Variants in XNDC1N observed in about 807,000 individuals in gnomAD.
The protein encoded by XNDC1N is XRCC1 N-terminal domain containing 1, N-terminal like.
At chr11:71,911,231 T>C in the XNDC1N span, among the ~76,000 whole-genome samples, 1 of 152,216 alleles carries the variant, frequency 6.6e-6, no homozygotes, top group South Asian at 2.1e-4. Context: ...AAGGACATCA[T>C]TGGCTAACGA....
chr11:71,907,296 A>G, the XNDC1N span, among the ~76,000 whole-genome samples: 12 of 151,950 alleles, frequency 7.9e-5, no homozygotes, highest in Non-Finnish European at 1.6e-4. Flanking sequence ...AAACGGAGTA[A>G]TATCACCCCC....
the XNDC1N span, among the ~76,000 whole-genome samples, chr11:71,901,244 G>A: frequency 6.6e-6 from 1 of 152,142 alleles, no homozygotes; most frequent in Non-Finnish European, 1.5e-5. Context: ...TGAGGAAGCT[G>A]GAAAGCGTTT....
the XNDC1N span, chr11:71,923,491 G>A: frequency 4.8e-6 from 3 of 627,126 alleles, no homozygotes; most frequent in East Asian, 5.6e-5. Flanking sequence ...AAAGAGAACA[G>A]AAGAAAAACA....
chr11:71,890,262 C>T, the XNDC1N span, among the ~76,000 whole-genome samples: 1 of 152,172 alleles, frequency 6.6e-6, no homozygotes, highest in Admixed American at 6.5e-5. Context: ...GGAGTAATAT[C>T]ATCCTCTCCC....
chr11:71,924,949 A>T, the XNDC1N span, among the ~76,000 whole-genome samples: 1 of 151,430 alleles, frequency 6.6e-6, no homozygotes, highest in African/African-American at 2.4e-5. Flanking sequence ...TGAGTCCGTG[A>T]CTCTTGATAT....
chr11:71,898,045 G>T, the XNDC1N span, among the ~76,000 whole-genome samples: 1 of 152,152 alleles, frequency 6.6e-6, no homozygotes, highest in African/African-American at 2.4e-5. Flanking sequence ...TGAAACGAGC[G>T]TGGTGGCGTG....
At chr11:71,875,360 T>C in the XNDC1N span, among the ~76,000 whole-genome samples, 1 of 152,108 alleles carries the variant, frequency 6.6e-6, no homozygotes, top group Non-Finnish European at 1.5e-5. Flanking sequence ...GTTATATCTA[T>C]TATCAGATAA....
chr11:71,928,135 T>C, the XNDC1N span: 13 of 328,784 alleles, frequency 4.0e-5, no homozygotes, highest in Admixed American at 5.5e-4. Context: ...GGATGTGGGT[T>C]AGAAAAGTGT....
the XNDC1N span, among the ~76,000 whole-genome samples, chr11:71,877,800 G>C: frequency 0.025 from 3,860 of 152,194 alleles, 56 homozygotes; most frequent in East Asian, 0.076. Flanking sequence ...CCGTTTCTTT[G>C]TATATATTAT....
At chr11:71,888,286 C>A in the XNDC1N span, among the ~76,000 whole-genome samples, 6,793 of 152,172 alleles carry the variant, frequency 0.045, 525 homozygotes, top group African/African-American at 0.16. Flanking sequence ...GGTCATTTGC[C>A]ATCTAGCGGA....
the XNDC1N span, among the ~76,000 whole-genome samples, chr11:71,910,846 T>C: frequency 6.6e-6 from 1 of 152,152 alleles, no homozygotes; most frequent in African/African-American, 2.4e-5. Context: ...CAAGCCTTTC[T>C]ATGAGGTCAC....
chr11:71,890,759 G>A, the XNDC1N span, among the ~76,000 whole-genome samples: 73 of 151,572 alleles, frequency 4.8e-4, no homozygotes, highest in Middle Eastern at 3.5e-3. Context: ...AGGGGTGGGG[G>A]ATGTACACCC....
At chr11:71,915,578 C>T in the XNDC1N span, among the ~76,000 whole-genome samples, 1 of 152,196 alleles carries the variant, frequency 6.6e-6, no homozygotes, top group East Asian at 1.9e-4. Context: ...AAACCTGGAA[C>T]ATCTCCAAGG....
chr11:71,924,540 T>C, the XNDC1N span, among the ~76,000 whole-genome samples: 2 of 151,884 alleles, frequency 1.3e-5, no homozygotes, highest in South Asian at 2.1e-4. Context: ...AAGCCTGGCG[T>C]GGTGGTGGGC....
chr11:71,893,575 C>T, the XNDC1N span: 1 of 998,066 alleles, frequency 1.0e-6, no homozygotes, highest in Non-Finnish European at 1.6e-6. Flanking sequence ...GTCCATGCAT[C>T]TGGTCATGGT....
chr11:71,918,852 T>C, the XNDC1N span: 1 of 700,812 alleles, frequency 1.4e-6, no homozygotes, highest in East Asian at 2.7e-5. Context: ...TCCTGTGTTC[T>C]TCCTCAAGGT....
At chr11:71,888,104 C>T in the XNDC1N span, among the ~76,000 whole-genome samples, 2 of 152,146 alleles carry the variant, frequency 1.3e-5, no homozygotes, top group Non-Finnish European at 2.9e-5. Context: ...TCTGCTGGGA[C>T]ACCCCACGGC....
At chr11:71,900,338 C>A in the XNDC1N span, among the ~76,000 whole-genome samples, 1 of 150,956 alleles carries the variant, frequency 6.6e-6, no homozygotes, top group East Asian at 1.9e-4. Context: ...TCATCCCACC[C>A]GACTAGACAT....
the XNDC1N span, among the ~76,000 whole-genome samples, chr11:71,876,787 A>G: frequency 1.3e-5 from 2 of 152,374 alleles, no homozygotes; most frequent in Admixed American, 1.3e-4. Context: ...TGATCAAGAA[A>G]GAAATAATTC....
Sources: gnomAD v4.1 joint callset for allele counts (sites outside exome capture counted in the v4.1 genomes callset) on GRCh38, gnomAD v4.1.1 for gene constraint, MANE v1.5 for transcripts, NCBI Gene and HGNC (gene_info 2026-07-23, HGNC 2026-07-21) for gene names.